The following MICALL2 variants were observed in gnomAD, a reference collection of about 807,000 sequenced individuals.
The protein encoded by MICALL2 is MICAL like 2.
MICALL2 carries 111 observed loss-of-function variants against 91.1 expected under a neutral mutation model. The observed-to-expected ratio is 1.22, with a 90% CI of 1.04 to 1.43. The LOEUF is 1.43. MICALL2 is among the 40% of genes most tolerant of loss of function. The pLI, the probability that MICALL2 is intolerant of heterozygous loss-of-function variation, is 0.00. For missense variants in MICALL2, 1,556 were observed against 1,236.0 expected (o/e 1.26, Z -3.88); for synonymous variants, 694 against 525.3 (o/e 1.32, Z -4.39).
intron 7 of MICALL2, 117 bp downstream of exon 7, chr7:1,442,075 C>G: frequency 8.5e-7 from 1 of 1,179,552 alleles, no homozygotes; most frequent in Non-Finnish European, 1.2e-6. Context: ...AGAGATGAGA[C>G]GGAGAGGAAG....
chr7:1,446,506 T>C (rs1255773616), intron 5 of MICALL2, among the ~76,000 whole-genome samples: 5 of 88,554 alleles, frequency 5.6e-5, no homozygotes, highest in South Asian at 1.0e-3. Flanking sequence ...GGAAGGAAAG[T>C]GAAAGGGAGA....
chr7:1,447,873 C>T (rs913289802), intron 3 of MICALL2, 108 bp from the exon 4 acceptor site: 1 of 879,206 alleles, frequency 1.1e-6, no homozygotes, highest in Non-Finnish European at 1.6e-6. Flanking sequence ...CCGGGGGGGA[C>T]CTGGGGGCCC....
chr7:1,444,943 G>T lies in MICALL2; in HGVS notation c.1127C>A (p.Pro376His). The T allele has an allele frequency of 6.6e-7, 1 of 1,515,098 alleles. No homozygotes were observed. Among genetic ancestry groups the T allele is most frequent in the Non-Finnish European group, 8.8e-7 (1 of 1,133,314 alleles). The allele number at this position is 1,515,098 out of a possible 1,614,324, so 93.9% of individuals were successfully genotyped here. Residue 376 changes from proline (P) to histidine (H), a missense_variant, in exon 6 of 17, where the codon CCC (proline) becomes CAC (histidine). Coordinates refer to ENST00000297508, the MANE Select transcript of MICALL2 (RefSeq NM_182924.4). ...PSAPDPRPATPQGGGAPRVAA... is the reference protein window; with the variant it reads ...PSAPDPRPATHQGGGAPRVAA... ...CACTCGGGGGGCTCCCCCACCCTGG[G>T]GTGTGGCCGGGCGAGGGTCTGGGGC...
At chr7:1,442,527 C>T (rs201770059) in intron 6 of MICALL2, 43 bp from the exon 7 acceptor site, 22 of 1,502,776 alleles carry the variant, frequency 1.5e-5, no homozygotes, top group Middle Eastern at 3.6e-4. Context: ...TGGATCCAGG[C>T]GCCCTCCCAC....
intron 10 of MICALL2, 44 bp from the exon 11 acceptor site, chr7:1,438,397 G>C (rs551609276): frequency 1.5e-5 from 23 of 1,568,808 alleles, no homozygotes; most frequent in Middle Eastern, 2.3e-4. Context: ...GGGCCACCAG[G>C]CCCAACGTGA....
In MICALL2 at chr7:1,434,552, G is replaced by A; in HGVS notation, c.*44C>T. On this transcript the variant is annotated 3_prime_UTR_variant, in exon 17 of 17. Transcript: ENST00000297508. ...GCCAAGCCCATGGCCCCGAGTCCAAGTCCGGATGCCAGGTCCGGGCCGAGC... is the reference window on the plus strand; with the variant it reads ...GCCAAGCCCATGGCCCCGAGTCCAAATCCGGATGCCAGGTCCGGGCCGAGC... 6.4e-7 allele frequency: 1 copy of A among 1,552,456 alleles called. No individual in the cohort carries two copies. The highest frequency in any genetic ancestry group is 8.9e-7 in the Non-Finnish European group (1 of 1,124,484).
rs368570897 is a variant in MICALL2 at position 1,437,506 on chromosome 7, G to A, written c.2476+29C>T. On this transcript the variant is annotated intron_variant, in intron 14 of 16. Coordinates refer to ENST00000297508, the MANE Select transcript of MICALL2 (RefSeq NM_182924.4). Reference sequence around the variant, plus strand: ...GGGCTCCGCGGCATCCCTGGCTGGGGCCCCTTGGCTGGCGCGCGGGGGACG... The same window carrying A: ...GGGCTCCGCGGCATCCCTGGCTGGGACCCCTTGGCTGGCGCGCGGGGGACG... The A allele has an allele frequency of 7.1e-3, 10,705 of 1,501,848 alleles. 44 individuals carry two copies. The highest frequency in any genetic ancestry group is 8.7e-3 in the Non-Finnish European group (9,856 of 1,133,960). The allele number at this position is 1,501,848 out of a possible 1,614,324, so 93.0% of individuals were successfully genotyped here.
chr7:1,434,888 A>G (rs1162984433), intron 16 of MICALL2: 1 of 710,264 alleles, frequency 1.4e-6, no homozygotes, highest in African/African-American at 1.8e-5. Flanking sequence ...CACGGTCACC[A>G]GCTGCCCCTG....
chr7:1,459,065 G>A, intron 1 of MICALL2, 119 bp downstream of exon 1: 2 of 1,040,142 alleles, frequency 1.9e-6, no homozygotes, highest in East Asian at 2.9e-5. Context: ...GGTGGGCTGT[G>A]CCTGCCCAGT....
intron 6 of MICALL2, among the ~76,000 whole-genome samples, chr7:1,443,216 C>CT (rs143506489): frequency 5.2e-4 from 78 of 150,422 alleles, no homozygotes; most frequent in African/African-American, 1.7e-3. Context: ...ACCTAGGAAG[C>CT]ACTCCCTGGA....
At chr7:1,450,088 G>T in intron 2 of MICALL2, 152 bp downstream of exon 2, 1 of 681,964 alleles carries the variant, frequency 1.5e-6, no homozygotes, top group Non-Finnish European at 2.6e-6. Flanking sequence ...AGCCCAGGAC[G>T]CGTTGCCGGG....
chr7:1,454,091 T>G (rs1780928966), intron 1 of MICALL2, among the ~76,000 whole-genome samples: 1 of 151,438 alleles, frequency 6.6e-6, no homozygotes, highest in Non-Finnish European at 1.5e-5. Flanking sequence ...CTCTTGGGAA[T>G]GTATACCCCC....
At chr7:1,440,945 G>A in intron 7 of MICALL2, 1 of 488,316 alleles carries the variant, frequency 2.0e-6, no homozygotes, top group Non-Finnish European at 3.8e-6. Context: ...CCGAATGGGT[G>A]GGGACGTGGC....
chr7:1,448,855 G>C (rs544868158), intron 2 of MICALL2, 94 bp from the exon 3 acceptor site: 6 of 1,479,186 alleles, frequency 4.1e-6, no homozygotes, highest in Admixed American at 1.8e-5. Flanking sequence ...CACAGTCTTG[G>C]AGCCCAAAGA....
chr7:1,437,690 G>T, intron 13 of MICALL2, 82 bp from the exon 14 acceptor site: 1 of 1,425,812 alleles, frequency 7.0e-7, no homozygotes, highest in South Asian at 1.2e-5. Flanking sequence ...CGAGGTCCTG[G>T]ACCTGCCACA....
intron 14 of MICALL2, chr7:1,437,174 G>A (rs1288625185): frequency 8.3e-6 from 4 of 482,350 alleles, no homozygotes; most frequent in South Asian, 3.1e-5. Flanking sequence ...CTGGGCCTGT[G>A]CCCTCAGCCA....
intron 14 of MICALL2, chr7:1,437,160 C>CGGCCTG (rs1308671632): frequency 1.1e-5 from 5 of 474,410 alleles, no homozygotes; most frequent in African/African-American, 1.0e-4. Context: ...CAGAGGCAGA[C>CGGCCTG]GGCCTGGGCC....
Position 1,445,386 on chromosome 7 carries a change from C to G in MICALL2, c.684G>C (p.Lys228Asn). 1 of 1,577,240 alleles carries G rather than the reference C, an allele frequency of 6.3e-7. No homozygotes were observed. The highest frequency in any genetic ancestry group is 8.6e-7 in the Non-Finnish European group (1 of 1,168,190). The change falls in exon 6 of 17, where the codon AAG (lysine) becomes AAC (asparagine). Residue 228 changes from lysine (K) to asparagine (N), a missense_variant. Coordinates refer to ENST00000297508, the MANE Select transcript of MICALL2 (RefSeq NM_182924.4). ...CSCTLHSGAY[K>N]ATGEPGTFVC... is the part of the protein sequence containing the mutation. ...CGAAGGTGCCCGGCTCTCCTGTGGC[C>G]TTGTAGGCCCCCGAGTGCAGCGTGC...
chr7:1,437,645 C>G lies in MICALL2; in HGVS notation c.2403-37G>C, dbSNP rs367663223. On this transcript the variant is annotated intron_variant, in intron 13 of 16. Transcript: ENST00000297508. The stretch of plus-strand genomic sequence containing the variant: ...ACACGCGTCTGAGGCCTGACTCTGC[C>G]GCCCTGTCCCCCGCCTGGCCCGCCC... 38 of 1,530,034 alleles carry G rather than the reference C, an allele frequency of 2.5e-5. No homozygotes were observed. The East Asian group carries it at 8.6e-4, about 35-fold the overall frequency. 94.8% of individuals were successfully genotyped at this position (1,530,034 alleles called of 1,614,324 possible).
Sources: gnomAD v4.1 joint callset for allele counts (sites outside exome capture counted in the v4.1 genomes callset) on GRCh38, gnomAD v4.1.1 for gene constraint, MANE v1.5 for transcripts, NCBI Gene and HGNC (gene_info 2026-07-23, HGNC 2026-07-21) for gene names.